Variants in DNAJC2 observed in about 807,000 individuals in gnomAD.
The protein encoded by DNAJC2 is DnaJ heat shock protein family (Hsp40) member C2, also known as dnaJ homolog subfamily C member 2.
A neutral mutation model predicts 94.0 loss-of-function variants in DNAJC2; 32 were observed. That is an observed-to-expected ratio of 0.34 (90% CI 0.26 to 0.46). DNAJC2 has a LOEUF of 0.46. Among genes scored for constraint, DNAJC2 ranks in the 20% least tolerant of loss-of-function variants. The pLI, the probability that DNAJC2 is intolerant of heterozygous loss-of-function variation, is 1.00. For synonymous variants in DNAJC2, 210 were observed against 229.7 expected, an observed-to-expected ratio of 0.91 and a Z score of 0.77; for missense variants, 550 against 719.5, an observed-to-expected ratio of 0.76 and a Z score of 2.69.
intron 7 of DNAJC2, among the ~76,000 whole-genome samples, chr7:103,323,207 G>A (rs1818516735): frequency 6.6e-6 from 1 of 152,168 alleles, no homozygotes; most frequent in Admixed American, 6.5e-5. Context: ...TAGGATTACA[G>A]GAATGAGCCA....
intron 3 of DNAJC2, chr7:103,329,491 TTGAC>T (rs1818877697): frequency 6.6e-6 from 1 of 152,286 alleles, no homozygotes; most frequent in African/African-American, 2.4e-5. Flanking sequence ...TTTATTTACA[TTGAC>T]TGATCATTTC....
chr7:103,336,148 C>T (rs1434935826), intron 3 of DNAJC2: 3 of 152,160 alleles, frequency 2.0e-5, no homozygotes, highest in African/African-American at 7.2e-5. Flanking sequence ...GCCTGCGCAA[C>T]AAGTACGAAA....
At chr7:103,333,393 A>G (rs751746915) in intron 3 of DNAJC2, among the ~76,000 whole-genome samples, 4 of 152,208 alleles carry the variant, frequency 2.6e-5, no homozygotes, top group East Asian at 1.9e-4. Context: ...ACTTTTGTGG[A>G]AAAAAAGTCT....
At chr7:103,320,830 CTTTT>C (rs745754898) in intron 10 of DNAJC2, 126 of 113,632 alleles carry the variant, frequency 1.1e-3, no homozygotes, top group Middle Eastern at 2.7e-3. Context: ...CTCAGCATGT[CTTTT>C]TTTTTTTTTT....
At position 103,333,174 on chromosome 7, in the gene DNAJC2, ATTC is replaced by A. The variant is rs546578212; in HGVS notation, c.331+4559_331+4561del. On this transcript the variant is annotated intron_variant, in intron 3 of 16. Coordinates refer to ENST00000379263, the MANE Select transcript of DNAJC2 (RefSeq NM_014377.3). ...AGGGATGCTCAACTTGTATTTGTTT[ATTC>A]TTCTTATAAAACCCAGTTTGGGATA... Among the ~76,000 whole-genome samples, 572 of 152,214 alleles carry A rather than the reference ATTC, an allele frequency of 3.8e-3. 4 individuals are homozygous for A. Among genetic ancestry groups the A allele is most frequent in the African/African-American group, 0.014 (563 of 41,546 alleles).
At chr7:103,341,694 A>G in intron 2 of DNAJC2, 70 bp downstream of exon 2, 4 of 1,278,210 alleles carry the variant, frequency 3.1e-6, no homozygotes, top group Admixed American at 2.5e-5. Context: ...TTATTAATGG[A>G]AAACTCATAA....
At position 103,326,427 on chromosome 7, in the gene DNAJC2, G is replaced by A. The variant is rs370368076; in HGVS notation, c.572+116C>T. ...CAGAGAAGGAGGAGGAGGAGGAAGAGACAGTGGAAATAATCTATAAATGAA... is the reference window on the plus strand; with the variant it reads ...CAGAGAAGGAGGAGGAGGAGGAAGAAACAGTGGAAATAATCTATAAATGAA... On this transcript the variant is annotated intron_variant, in intron 5 of 16. Transcript: ENST00000379263. The A allele has an allele frequency of 3.3e-5, 34 of 1,028,484 alleles. 1 individual carries two copies. In the Middle Eastern group the frequency reaches 1.6e-3, roughly 49 times the overall value. The allele number at this position is 1,028,484 out of a possible 1,614,324, so 63.7% of individuals were successfully genotyped here. A position where few individuals can be genotyped will look rare whatever the true frequency, so the allele number is the denominator to read the frequency against.
At chr7:103,320,851 G>A in intron 10 of DNAJC2, 1 of 29,540 alleles carries the variant, frequency 3.4e-5, no homozygotes, top group Non-Finnish European at 7.4e-5. Flanking sequence ...TTTTTTTTTT[G>A]AGATGGAGAC....
chr7:103,331,892 T>C (rs2115989858), intron 3 of DNAJC2, among the ~76,000 whole-genome samples: 1 of 152,356 alleles, frequency 6.6e-6, no homozygotes, highest in Non-Finnish European at 1.5e-5. Flanking sequence ...CGCTGGGCTA[T>C]ATGTTAATTC....
intron 3 of DNAJC2, among the ~76,000 whole-genome samples, chr7:103,330,823 C>T (rs1334408776): frequency 2.0e-5 from 3 of 151,778 alleles, no homozygotes; most frequent in South Asian, 2.1e-4. Flanking sequence ...CTCAAGCGAT[C>T]CTCCCACCCT....
chr7:103,327,550 T>C (rs1044480239), intron 4 of DNAJC2, 106 bp downstream of exon 4: 4 of 775,966 alleles, frequency 5.2e-6, no homozygotes, highest in Non-Finnish European at 8.3e-6. Flanking sequence ...TTTTAAAATG[T>C]CAAAGGATAG....
chr7:103,316,337 CATAA>C (rs1373210203), intron 13 of DNAJC2: 34 of 316,104 alleles, frequency 1.1e-4, no homozygotes, highest in East Asian at 5.4e-5. Context: ...TACAAATCAA[CATAA>C]ATAAAACCAC....
At chr7:103,334,937 G>A (rs1033706179) in intron 3 of DNAJC2, among the ~76,000 whole-genome samples, 4 of 152,080 alleles carry the variant, frequency 2.6e-5, no homozygotes, top group Non-Finnish European at 4.4e-5. Flanking sequence ...AGTTTCAAGC[G>A]GTTCTCGTGC....
chr7:103,319,747 T>C lies in DNAJC2; in HGVS notation c.1172+9A>G. Reference sequence around the variant, plus strand: ...AGTGAAGACTTCAATAGCAGTTCCATAGGTATACCTTGCCAGTTCAAGCCG... The same window carrying C: ...AGTGAAGACTTCAATAGCAGTTCCACAGGTATACCTTGCCAGTTCAAGCCG... On this transcript the variant is annotated intron_variant, in intron 11 of 16. Coordinates refer to ENST00000379263, the MANE Select transcript of DNAJC2 (RefSeq NM_014377.3). 3.7e-6 allele frequency: 6 copies of C among 1,614,186 alleles called. No homozygotes were observed. The highest frequency in any genetic ancestry group is 5.1e-6 in the Non-Finnish European group (6 of 1,180,012).
rs1192746064 is a variant in DNAJC2, at chr7:103,312,483, A to T, written c.*86T>A. On this transcript the variant is annotated 3_prime_UTR_variant, in exon 17 of 17. Coordinates refer to ENST00000379263, the MANE Select transcript of DNAJC2 (RefSeq NM_014377.3). ...TATGTTGGAAGCAGCATACTTTCAA[A>T]TTATTACCATGAGTATAATTTTAAG... 2 of 1,560,848 alleles carry T rather than the reference A, an allele frequency of 1.3e-6. No individual in the cohort carries two copies. Among genetic ancestry groups the T allele is most frequent in the Admixed American group, 3.9e-5 (2 of 51,312 alleles).
chr7:103,316,770 T>G, intron 13 of DNAJC2, 60 bp downstream of exon 13: 1 of 1,367,640 alleles, frequency 7.3e-7, no homozygotes, highest in Non-Finnish European at 1.0e-6. Flanking sequence ...ATTTGGAGTC[T>G]GTCTACATTA....
rs746137995 is a variant in DNAJC2 at position 103,342,058 on chromosome 7, G to A, written c.65-104C>T. The A allele has an allele frequency of 5.8e-6, 5 of 858,112 alleles. No individual in the cohort carries two copies. The South Asian group carries it at 1.3e-4, about 22-fold the overall frequency. The allele number at this position is 858,112 out of a possible 1,614,324, so 53.2% of individuals were successfully genotyped here. On this transcript the variant is annotated intron_variant, in intron 1 of 16. Coordinates refer to ENST00000379263, the MANE Select transcript of DNAJC2 (RefSeq NM_014377.3). ...AAATAAAATCAAAACAGTGATACCA[G>A]CATATACTTTTAAAACCACCGACTA...
intron 4 of DNAJC2, 42 bp from the exon 5 acceptor site, chr7:103,326,726 C>T (rs760360392): frequency 1.9e-6 from 3 of 1,539,862 alleles, no homozygotes; most frequent in Non-Finnish European, 2.6e-6. Context: ...ATAACTTTAC[C>T]TATTTTTTCC....
chr7:103,331,439 C>T (rs1818965895), intron 3 of DNAJC2, among the ~76,000 whole-genome samples: 1 of 152,198 alleles, frequency 6.6e-6, no homozygotes, highest in Admixed American at 6.5e-5. Flanking sequence ...TACTCTGCTA[C>T]AGAACACTGG....
Sources: gnomAD v4.1 joint callset for allele counts (sites outside exome capture counted in the v4.1 genomes callset) on GRCh38, gnomAD v4.1.1 for gene constraint, MANE v1.5 for transcripts, NCBI Gene and HGNC (gene_info 2026-07-23, HGNC 2026-07-21) for gene names.